TRRAP: variants seen among roughly 807,000 people sequenced by gnomAD.
TRRAP encodes the protein transformation/transcription domain-associated protein.
In TRRAP, 41 loss-of-function variants were observed where a neutral mutation model predicts 438.8. The observed-to-expected ratio is 0.09, with a 90% CI of 0.07 to 0.12. The LOEUF (loss-of-function observed/expected upper bound fraction) is 0.12. Ranked by LOEUF, TRRAP falls within the 10% of genes least tolerant of loss-of-function variation. TRRAP has a pLI of 1.00. For missense variants in TRRAP, 3,122 were observed against 5,055.1 expected (o/e 0.62, Z 11.60); for synonymous variants, 1,994 against 1,962.9 (o/e 1.02, Z -0.42).
In TRRAP at chr7:98,959,430, A is replaced by T. The variant is rs1791780700; in HGVS notation, c.6429A>T (p.Pro2143=). 1 of 1,613,852 alleles carries T rather than the reference A, an allele frequency of 6.2e-7. No homozygotes were observed. The highest frequency in any genetic ancestry group is 1.7e-5 in the Admixed American group (1 of 59,978). ...ACCTTCTGAAGACTGCGTTGCGGCC[A>T]GACATGTGGCCCAAGTCCGAACTCA... ...CVNLLKTALR[P]DMWPKSELKL... is the part of the protein sequence containing the mutation. The change falls in exon 45 of 73, where the codon CCA becomes CCT. Residue 2143 remains proline, a synonymous_variant. Coordinates refer to ENST00000456197, the MANE Select transcript of TRRAP (RefSeq NM_001375524.1).
chr7:98,920,282 C>G (rs936923437), intron 20 of TRRAP, among the ~76,000 whole-genome samples: 1 of 151,910 alleles, frequency 6.6e-6, no homozygotes, highest in East Asian at 1.9e-4. Context: ...ACCAGCCTGG[C>G]CAACAAGGTG....
intron 67 of TRRAP, among the ~76,000 whole-genome samples, chr7:98,997,575 G>C (rs992817545): frequency 1.4e-5 from 2 of 146,516 alleles, no homozygotes; most frequent in African/African-American, 5.1e-5. Context: ...AATTCAGAAA[G>C]TTAAGAGTGG....
intron 67 of TRRAP, chr7:98,999,742 A>G: frequency 1.5e-6 from 1 of 688,346 alleles, no homozygotes; most frequent in Non-Finnish European, 2.6e-6. Flanking sequence ...GGTATATTCA[A>G]AGCTACTATT....
At chr7:98,932,072 G>A (rs191254634) in intron 26 of TRRAP, among the ~76,000 whole-genome samples, 113 of 150,124 alleles carry the variant, frequency 7.5e-4, no homozygotes, top group African/African-American at 2.6e-3. Flanking sequence ...ACACCACCAC[G>A]CCTGGCTAGT....
rs76059252 is a variant in TRRAP at position 98,991,190 on chromosome 7, C to T, written c.9756+571C>T. On this transcript the variant is annotated intron_variant, in intron 64 of 72. Transcript: ENST00000456197. ...GAATGATTCCAGGATGTCCCTCTCC[C>T]GTGAAAAGACCCAGGCATAGAGGAA... Among the ~76,000 whole-genome samples the T allele has an allele frequency of 8.1e-3, 1,241 of 152,300 alleles. 10 individuals carry two copies. Among genetic ancestry groups the T allele is most frequent in the African/African-American group, 0.026 (1,071 of 41,564 alleles).
chr7:99,007,050 A>G (rs576593007), intron 69 of TRRAP, among the ~76,000 whole-genome samples: 40 of 152,330 alleles, frequency 2.6e-4, no homozygotes, highest in African/African-American at 7.5e-4. Context: ...CTGCATCTCC[A>G]ATACCGAATG....
chr7:98,967,109 G>A lies in TRRAP; in HGVS notation c.7245G>A (p.Pro2415=), dbSNP rs758797244. Residue 2415 remains proline (P), a synonymous_variant, in exon 50 of 73, where the codon CCG becomes CCA. Coordinates refer to ENST00000456197, the MANE Select transcript of TRRAP (RefSeq NM_001375524.1). ...TGACTTACATAGAAAAACGCTTTCC[G>A]GAAGACCTTGAATTAAATGCCCAGT... ...KMMTYIEKRF[P]EDLELNAQFL... is the part of the protein sequence containing the mutation. The A allele has an allele frequency of 9.3e-6, 15 of 1,613,882 alleles. No homozygotes were observed. Among genetic ancestry groups the A allele is most frequent in the African/African-American group, 5.3e-5 (4 of 74,898 alleles).
chr7:98,884,082 C>T (rs992773302), intron 3 of TRRAP, among the ~76,000 whole-genome samples: 1 of 152,104 alleles, frequency 6.6e-6, no homozygotes, highest in Non-Finnish European at 1.5e-5. Flanking sequence ...TGCAGTTGGT[C>T]TAGAATAGGC....
chr7:98,952,312 C>A (rs310734), intron 39 of TRRAP, among the ~76,000 whole-genome samples: 137,747 of 152,236 alleles, frequency 0.9, 62,407 homozygotes, highest in South Asian at 0.93. Context: ...ATTTTTTGAA[C>A]GTAGACATTT....
chr7:98,921,723 G>A (rs199892122), intron 20 of TRRAP, 30 bp from the exon 21 acceptor site: 7 of 1,612,874 alleles, frequency 4.3e-6, no homozygotes, highest in Non-Finnish European at 5.1e-6. Flanking sequence ...TACCTTAAGA[G>A]GACCTTAATG....
rs782040966 is a variant in TRRAP, at chr7:98,910,235, GCCCCCA to G, written c.1539_1544del (p.Pro514_Pro515del). The stretch of plus-strand genomic sequence containing the variant: ...CTGTCCCTGCCCCACCTCCACCCCC[GCCCCCA>G]CCCCCACCTGCCACCCCTGTGACCC... On this transcript the variant is annotated inframe_deletion, in exon 15 of 73. Transcript: ENST00000456197. 5 of 285,618 alleles carry G rather than the reference GCCCCCA, an allele frequency of 1.8e-5. No homozygotes were observed. The highest frequency in any genetic ancestry group is 4.4e-5 in the South Asian group (1 of 22,736). The allele number at this position is 285,618 out of a possible 1,614,324, so 17.7% of individuals were successfully genotyped here.
chr7:98,957,941 T>C (rs891973420), intron 43 of TRRAP, 40 bp from the exon 44 acceptor site: 13 of 1,578,198 alleles, frequency 8.2e-6, no homozygotes, highest in African/African-American at 1.4e-5. Context: ...GAAATTAGTG[T>C]TGCGATTCTC....
Position 98,988,745 on chromosome 7 carries a change from G to C in TRRAP, c.9390-20G>C, listed in dbSNP as rs1297322310. On this transcript the variant is annotated intron_variant, in intron 62 of 72. Coordinates refer to ENST00000456197, the MANE Select transcript of TRRAP (RefSeq NM_001375524.1). Reference sequence around the variant, plus strand: ...TTCAATTGAAAACCATACACGTTTTGGTTTTCTGTCTCCTCACAGGTCCGA... The same window carrying C: ...TTCAATTGAAAACCATACACGTTTTCGTTTTCTGTCTCCTCACAGGTCCGA... 3.1e-6 allele frequency: 5 copies of C among 1,612,328 alleles called. No individual in the cohort carries two copies. Among genetic ancestry groups the C allele is most frequent in the Admixed American group, 3.3e-5 (2 of 59,974 alleles).
At chr7:98,945,481 A>T (rs1562953598) in intron 31 of TRRAP, among the ~76,000 whole-genome samples, 1 of 152,238 alleles carries the variant, frequency 6.6e-6, no homozygotes, top group Non-Finnish European at 1.5e-5. Flanking sequence ...CCCCTTTCAC[A>T]AGAATCCTGA....
chr7:98,931,273 C>A, intron 25 of TRRAP, 132 bp from the exon 26 acceptor site: 1 of 1,351,342 alleles, frequency 7.4e-7, no homozygotes. Context: ...CGTGAAGTCA[C>A]CTCATTAAAG....
chr7:98,931,423 G>T lies in TRRAP; in HGVS notation c.3610G>T (p.Ala1204Ser), dbSNP rs2116515582. ...CTTGCAGGTTTCCAATGGGGCAGTCGCTATGGCAAAGACCACGCTGGAGCA... is the reference window on the plus strand; with the variant it reads ...CTTGCAGGTTTCCAATGGGGCAGTCTCTATGGCAAAGACCACGCTGGAGCA... The part of the protein sequence containing the change: ...LTGEVSNGAV[A>S]MAKTTLEQLL... The change falls in exon 26 of 73, where the codon GCT becomes TCT. Residue 1204 changes from alanine (A) to serine (S), a missense_variant. Transcript: ENST00000456197. 1 of 1,613,842 alleles carries T rather than the reference G, an allele frequency of 6.2e-7. No homozygotes were observed.
intron 3 of TRRAP, among the ~76,000 whole-genome samples, chr7:98,888,141 A>G (rs1040228780): frequency 6.6e-6 from 1 of 151,914 alleles, no homozygotes; most frequent in Non-Finnish European, 1.5e-5. Context: ...GAGGCAGGAG[A>G]ATGGCGTGAA....
chr7:98,898,296 C>T (rs746747392), intron 8 of TRRAP, among the ~76,000 whole-genome samples: 18 of 152,212 alleles, frequency 1.2e-4, no homozygotes, highest in Non-Finnish European at 2.4e-4. Flanking sequence ...AGTTAATGAA[C>T]CTGCGTTCTG....
chr7:98,985,643 T>C (rs1793117548), intron 62 of TRRAP, among the ~76,000 whole-genome samples: 1 of 152,252 alleles, frequency 6.6e-6, no homozygotes. Context: ...GCAAATGAGG[T>C]AGACTCACAA....
Sources: gnomAD v4.1 joint callset for allele counts (sites outside exome capture counted in the v4.1 genomes callset) on GRCh38, gnomAD v4.1.1 for gene constraint, MANE v1.5 for transcripts, NCBI Gene and HGNC (gene_info 2026-07-23, HGNC 2026-07-21) for gene names.